LNPK: variants seen among roughly 807,000 people sequenced by gnomAD.
The protein encoded by LNPK is lunapark, ER junction formation factor.
In LNPK, 29 loss-of-function variants were observed where a neutral mutation model predicts 55.2. The ratio of observed to expected loss-of-function variants is 0.53; its 90% CI spans 0.39 to 0.72. The LOEUF (loss-of-function observed/expected upper bound fraction) is 0.72, where lower values mean the gene tolerates loss of function less well. LNPK is among the 30% of genes least tolerant of loss of function. The pLI is 0.00. For missense variants in LNPK, 467 were observed against 494.8 expected (o/e 0.94, Z 0.53); for synonymous variants, 162 against 168.2 (o/e 0.96, Z 0.29).
rs1684013710 is a variant in LNPK at position 175,926,512 on chromosome 2, C to G, written c.*3455G>C. 1 of 152,216 alleles carries G rather than the reference C, an allele frequency of 6.6e-6. No individual in the cohort carries two copies. The highest frequency in any genetic ancestry group is 2.4e-5 in the African/African-American group (1 of 41,442). The allele number at this position is 152,216 out of a possible 1,614,324, so 9.4% of individuals were successfully genotyped here. On this transcript the variant is annotated 3_prime_UTR_variant, in exon 13 of 13. Transcript: ENST00000272748. ...ATAAATTTTTGTTCATCACGTTACC[C>G]AGTCTGTGGTATTCTGTTATAGCAG...
chr2:175,929,837 A>G lies in LNPK; in HGVS notation c.*130T>C, dbSNP rs1574793588. The G allele has an allele frequency of 2.0e-6, 3 of 1,468,726 alleles. No homozygotes were observed. The highest frequency in any genetic ancestry group is 4.9e-5 in the East Asian group (2 of 40,806). The allele number at this position is 1,468,726 out of a possible 1,614,324, so 91.0% of individuals were successfully genotyped here. A position where few individuals can be genotyped will look rare whatever the true frequency, so the allele number is the denominator to read the frequency against. ...ATAACTTTGAGATGTTCAAATAGCTAGGCAATCTGAATTCAAATGATACAC... is the reference window on the plus strand; with the variant it reads ...ATAACTTTGAGATGTTCAAATAGCTGGGCAATCTGAATTCAAATGATACAC... On this transcript the variant is annotated 3_prime_UTR_variant, in exon 13 of 13. Transcript: ENST00000272748.
chr2:175,946,303 T>C (rs1685118974), intron 9 of LNPK, among the ~76,000 whole-genome samples: 1 of 152,156 alleles, frequency 6.6e-6, no homozygotes, highest in Admixed American at 6.5e-5. Context: ...GGAATTTTAA[T>C]TTACAAATCA....
rs537381173 is a variant in LNPK at position 175,996,212 on chromosome 2, T to C, written c.-62-566A>G. On this transcript the variant is annotated intron_variant, in intron 1 of 12. Transcript: ENST00000272748. The stretch of plus-strand genomic sequence containing the variant: ...AATGACAATGCAGTTTAGAAATGTA[T>C]ATTCTTACCACTTTGCAATTTTCTA... Among the ~76,000 whole-genome samples the C allele has an allele frequency of 4.6e-5, 7 of 152,326 alleles. No homozygotes were observed. In the South Asian group the frequency reaches 1.2e-3, roughly 27 times the overall value.
chr2:176,000,997 T>G (rs1448514774), intron 1 of LNPK, among the ~76,000 whole-genome samples: 3 of 152,214 alleles, frequency 2.0e-5, no homozygotes, highest in Admixed American at 6.5e-5. Flanking sequence ...TCATATATTT[T>G]TAATAGCCAT....
intron 5 of LNPK, among the ~76,000 whole-genome samples, chr2:175,979,597 TA>T (rs377096584): frequency 6.6e-6 from 1 of 150,884 alleles, no homozygotes; most frequent in Admixed American, 6.6e-5. Context: ...TTGTTTTGTG[TA>T]AAAAAAAATC....
chr2:175,941,774 CA>C (rs1684852214), intron 9 of LNPK, among the ~76,000 whole-genome samples: 1 of 112,390 alleles, frequency 8.9e-6, no homozygotes, highest in Non-Finnish European at 1.7e-5. Flanking sequence ...CTGGGCAACA[CA>C]GCGAGATTCC....
At chr2:175,988,387 G>A (rs1010773623) in intron 4 of LNPK, among the ~76,000 whole-genome samples, 25 of 151,416 alleles carry the variant, frequency 1.7e-4, no homozygotes, top group Non-Finnish European at 2.9e-4. Context: ...TGGTGAATGC[G>A]TATAATCCCC....
upstream of LNPK, chr2:176,002,346 C>G: frequency 2.4e-6 from 1 of 416,504 alleles, no homozygotes; most frequent in Non-Finnish European, 4.7e-6. Flanking sequence ...GCGCGCCGCT[C>G]CCCCGTCACG....
At chr2:175,944,962 T>C (rs2105555109) in intron 9 of LNPK, among the ~76,000 whole-genome samples, 1 of 151,718 alleles carries the variant, frequency 6.6e-6, no homozygotes, top group African/African-American at 2.4e-5. Context: ...ACAGTGGCGA[T>C]ATCTCAGTTC....
intron 4 of LNPK, among the ~76,000 whole-genome samples, chr2:175,980,285 A>G (rs1013412647): frequency 6.6e-6 from 1 of 152,236 alleles, no homozygotes; most frequent in African/African-American, 2.4e-5. Context: ...CAAATGTAAG[A>G]GCATTATACA....
intron 4 of LNPK, among the ~76,000 whole-genome samples, chr2:175,985,184 G>A (rs1687347602): frequency 6.6e-6 from 1 of 152,146 alleles, no homozygotes. Flanking sequence ...TGGATGGCAG[G>A]GGTTAGGAAT....
chr2:175,966,428 T>C (rs1044805878), intron 6 of LNPK, among the ~76,000 whole-genome samples: 27 of 152,216 alleles, frequency 1.8e-4, no homozygotes, highest in African/African-American at 5.5e-4. Context: ...CAGATAACTC[T>C]AGACTAAAAC....
chr2:175,983,005 T>C (rs982326101), intron 4 of LNPK, among the ~76,000 whole-genome samples: 3 of 152,186 alleles, frequency 2.0e-5, no homozygotes, highest in African/African-American at 4.8e-5. Context: ...CATCAGAATA[T>C]GTGGAGGCAC....
At chr2:175,964,287 T>G in intron 8 of LNPK, 85 bp downstream of exon 8, 2 of 1,062,440 alleles carry the variant, frequency 1.9e-6, no homozygotes, top group Middle Eastern at 2.1e-4. Context: ...CATAAGTTTT[T>G]GCACACCTCC....
chr2:176,000,906 G>T (rs1574913261), intron 1 of LNPK, among the ~76,000 whole-genome samples: 1 of 152,052 alleles, frequency 6.6e-6, no homozygotes, highest in South Asian at 2.1e-4. Context: ...ATTAGTGCTT[G>T]CTTTCATGGT....
At chr2:175,957,128 T>G (rs1685732822) in intron 8 of LNPK, among the ~76,000 whole-genome samples, 1 of 151,884 alleles carries the variant, frequency 6.6e-6, no homozygotes, top group South Asian at 2.1e-4. Flanking sequence ...GAGGCTGAGG[T>G]GGGCAGATCA....
At chr2:175,932,614 T>C (rs1407663455) in intron 12 of LNPK, among the ~76,000 whole-genome samples, 2 of 152,180 alleles carry the variant, frequency 1.3e-5, no homozygotes, top group East Asian at 3.8e-4. Flanking sequence ...CTAAATAAGA[T>C]AGGTATTGAT....
chr2:175,946,563 G>T (rs1574828187), intron 9 of LNPK, among the ~76,000 whole-genome samples: 1 of 152,060 alleles, frequency 6.6e-6, no homozygotes, highest in East Asian at 1.9e-4. Context: ...CTGCATTTTT[G>T]AAGGAAAACA....
intron 8 of LNPK, among the ~76,000 whole-genome samples, chr2:175,963,712 T>A (rs907442238): frequency 3.3e-5 from 5 of 151,294 alleles, no homozygotes; most frequent in East Asian, 1.9e-4. Context: ...ATAAATAAAT[T>A]AATTAATTAA....
Sources: allele counts gnomAD v4.1 joint callset (sites outside exome capture counted in the v4.1 genomes callset), GRCh38; gene constraint gnomAD v4.1.1; transcripts MANE v1.5; gene names NCBI Gene and HGNC (gene_info 2026-07-23, HGNC 2026-07-21).